The following WDFY4 variants were observed in gnomAD, a reference collection of about 807,000 sequenced individuals.
WDFY4 encodes the protein WDFY family member 4.
WDFY4 carries 169 observed loss-of-function variants against 351.9 expected under a neutral mutation model. The ratio of observed to expected loss-of-function variants is 0.48; its 90% CI spans 0.42 to 0.55. The LOEUF is 0.55. Ranked by LOEUF, WDFY4 falls within the 20% of genes least tolerant of loss-of-function variation. The pLI, the probability that WDFY4 is intolerant of heterozygous loss-of-function variation, is 0.00. For synonymous variants in WDFY4, 1,622 were observed against 1,574.6 expected (o/e 1.03, Z -0.71); for missense variants, 3,803 against 3,935.6 (o/e 0.97, Z 0.90).
chr10:48,874,665 TA>T (rs1439295959), intron 41 of WDFY4, among the ~76,000 whole-genome samples: 2 of 151,768 alleles, frequency 1.3e-5, no homozygotes, highest in South Asian at 2.1e-4. Flanking sequence ...AAATAAAAAA[TA>T]AAAAAAATAA....
chr10:48,745,204 G>C (rs1057312732), intron 12 of WDFY4, among the ~76,000 whole-genome samples: 15 of 152,066 alleles, frequency 9.9e-5, no homozygotes, highest in African/African-American at 3.4e-4. Context: ...TTATGTGTTT[G>C]AATTTTGAAT....
intron 3 of WDFY4, 61 bp downstream of exon 3, chr10:48,720,186 C>T (rs1049181636): frequency 6.7e-7 from 1 of 1,495,912 alleles, no homozygotes; most frequent in South Asian, 1.2e-5. Flanking sequence ...TGCATGCCCT[C>T]CCAGGCCTCT....
intron 12 of WDFY4, among the ~76,000 whole-genome samples, chr10:48,750,491 G>A (rs576137159): frequency 6.6e-6 from 1 of 152,294 alleles, no homozygotes; most frequent in African/African-American, 2.4e-5. Flanking sequence ...TGCTTCTTAT[G>A]CTTTTGTCTA....
At chr10:48,687,569 G>A (rs2063082684) in intron 1 of WDFY4, among the ~76,000 whole-genome samples, 2 of 150,652 alleles carry the variant, frequency 1.3e-5, no homozygotes, top group Non-Finnish European at 1.5e-5. Context: ...TTTCCCATAT[G>A]GATAACCAAG....
chr10:48,910,207 A>G, intron 47 of WDFY4: 2 of 1,177,272 alleles, frequency 1.7e-6, no homozygotes, highest in Non-Finnish European at 1.2e-6. Context: ...CTGTTAGCTG[A>G]GTAGTCTTCA....
chr10:48,847,479 A>T (rs1362042134), intron 39 of WDFY4, among the ~76,000 whole-genome samples: 1 of 152,104 alleles, frequency 6.6e-6, no homozygotes, highest in African/African-American at 2.4e-5. Context: ...ACCCCAGGGT[A>T]GATCTTCACA....
At chr10:48,981,335 G>A (rs1035643882) in intron 60 of WDFY4, 32 bp from the exon 61 acceptor site, 27 of 1,546,624 alleles carry the variant, frequency 1.7e-5, no homozygotes, top group Middle Eastern at 1.7e-4. Context: ...CCGATCTGGC[G>A]TTCTAACTCT....
At chr10:48,882,901 A>G (rs2070309074) in intron 43 of WDFY4, among the ~76,000 whole-genome samples, 1 of 152,210 alleles carries the variant, frequency 6.6e-6, no homozygotes, top group Admixed American at 6.5e-5. Context: ...TGTTATTTCC[A>G]TTGCAAAGAT....
intron 39 of WDFY4, among the ~76,000 whole-genome samples, chr10:48,866,332 G>T (rs2133247701): frequency 6.6e-6 from 1 of 151,620 alleles, no homozygotes; most frequent in South Asian, 2.1e-4. Flanking sequence ...TTTCTTCTTT[G>T]ACCCATTAGT....
intron 39 of WDFY4, among the ~76,000 whole-genome samples, chr10:48,841,411 G>A (rs905636013): frequency 4.0e-4 from 59 of 147,486 alleles, no homozygotes; most frequent in African/African-American, 1.4e-3. Context: ...TTTTTTTTTC[G>A]GAAAAGTTTC....
At chr10:48,861,832 A>T (rs953887421) in intron 39 of WDFY4, among the ~76,000 whole-genome samples, 2 of 152,128 alleles carry the variant, frequency 1.3e-5, no homozygotes, top group Non-Finnish European at 2.9e-5. Flanking sequence ...TGACACAAAG[A>T]TTAAATCTTT....
At chr10:48,951,030 G>C (rs957454236) in intron 51 of WDFY4, among the ~76,000 whole-genome samples, 4 of 152,244 alleles carry the variant, frequency 2.6e-5, no homozygotes, top group Non-Finnish European at 4.4e-5. Flanking sequence ...ACCCTGCACT[G>C]TGCAGAGACT....
chr10:48,703,353 G>T (rs1297690834), intron 1 of WDFY4, among the ~76,000 whole-genome samples: 2 of 152,196 alleles, frequency 1.3e-5, no homozygotes, highest in Non-Finnish European at 2.9e-5. Context: ...GTATCATCTG[G>T]TTTAGAGGCT....
At chr10:48,799,555 G>A (rs370685731) in intron 24 of WDFY4, among the ~76,000 whole-genome samples, 36 of 152,206 alleles carry the variant, frequency 2.4e-4, no homozygotes, top group African/African-American at 4.1e-4. Context: ...CGGGTGGATC[G>A]TGAGGTCAGG....
intron 1 of WDFY4, among the ~76,000 whole-genome samples, chr10:48,706,173 G>C (rs929001253): frequency 1.3e-5 from 2 of 152,322 alleles, no homozygotes; most frequent in Non-Finnish European, 1.5e-5. Context: ...CCATCAGCAC[G>C]TAGGTTAATT....
intron 8 of WDFY4, among the ~76,000 whole-genome samples, 159 bp downstream of exon 8, chr10:48,729,748 C>T (rs867586220): frequency 6.6e-6 from 1 of 152,144 alleles, no homozygotes; most frequent in Non-Finnish European, 1.5e-5. Flanking sequence ...TCCCATGGGA[C>T]TTAGTGGAAA....
chr10:48,885,839 T>C (rs2070434899), intron 43 of WDFY4, among the ~76,000 whole-genome samples: 1 of 152,158 alleles, frequency 6.6e-6, no homozygotes, highest in African/African-American at 2.4e-5. Flanking sequence ...GAATTCTCTG[T>C]CTAAATACAT....
At position 48,743,406 on chromosome 10, in the gene WDFY4, A is replaced by G. The variant is rs1327490762; in HGVS notation, c.2317A>G (p.Met773Val). Residue 773 changes from methionine (M) to valine (V), a missense_variant, in exon 12 of 62, where the codon ATG (methionine) becomes GTG (valine). By Grantham distance (21) the Met-to-Val change is conservative (BLOSUM62 1). Coordinates refer to ENST00000325239, the MANE Select transcript of WDFY4 (RefSeq NM_001394531.1). The stretch of plus-strand genomic sequence containing the variant: ...CCAGATCCTTGGCTTTCTGGACAGC[A>G]TGGCCAGCGGCACCCTCCACTTGCG... ...CLQILGFLDS[M>V]ASGTLHLRGD... 5 of 1,551,576 alleles carry G rather than the reference A, an allele frequency of 3.2e-6. No homozygotes were observed. The highest frequency in any genetic ancestry group is 4.4e-6 in the Non-Finnish European group (5 of 1,146,986).
At chr10:48,835,058 T>A (rs2068336644) in intron 39 of WDFY4, among the ~76,000 whole-genome samples, 1 of 152,178 alleles carries the variant, frequency 6.6e-6, no homozygotes. Context: ...TCCATTGAGG[T>A]CTTATTCACT....
Sources: allele counts gnomAD v4.1 joint callset (sites outside exome capture counted in the v4.1 genomes callset), GRCh38; gene constraint gnomAD v4.1.1; transcripts MANE v1.5; gene names NCBI Gene and HGNC (gene_info 2026-07-23, HGNC 2026-07-21).